The following CACNA1C variants were observed in gnomAD, a reference collection of about 807,000 sequenced individuals.
CACNA1C encodes the protein calcium voltage-gated channel subunit alpha1 C.
A neutral mutation model predicts 229.0 loss-of-function variants in CACNA1C; 30 were observed. The observed-to-expected ratio is 0.13, with a 90% CI of 0.10 to 0.18. CACNA1C has a LOEUF of 0.18. Ranked by LOEUF, CACNA1C falls within the 10% of genes least tolerant of loss-of-function variation. The pLI, the probability that CACNA1C is intolerant of heterozygous loss-of-function variation, is 1.00. For synonymous variants in CACNA1C, 1,114 were observed against 1,132.5 expected (o/e 0.98, Z 0.33); for missense variants, 1,658 against 2,845.0 (o/e 0.58, Z 9.49).
At chr12:2,635,442 A>G (rs2092408159) in intron 30 of CACNA1C, among the ~76,000 whole-genome samples, 1 of 152,092 alleles carries the variant, frequency 6.6e-6, no homozygotes. Context: ...TAGACTTTTG[A>G]TGCACTGAAC....
At chr12:2,379,385 G>A (rs758606739) in intron 3 of CACNA1C, among the ~76,000 whole-genome samples, 2 of 152,100 alleles carry the variant, frequency 1.3e-5, no homozygotes, top group African/African-American at 2.4e-5. Flanking sequence ...TCCCTTTATC[G>A]GTTTTCTCTT....
intron 10 of CACNA1C, among the ~76,000 whole-genome samples, chr12:2,551,941 A>C (rs1389096923): frequency 2.0e-5 from 3 of 152,204 alleles, no homozygotes; most frequent in African/African-American, 7.2e-5. Flanking sequence ...CCCGAAACTC[A>C]GCCCTGAACA....
intron 4 of CACNA1C, among the ~76,000 whole-genome samples, chr12:2,451,859 G>A (rs1042017387): frequency 3.3e-5 from 5 of 152,190 alleles, no homozygotes; most frequent in Admixed American, 6.5e-5. Context: ...TGCCCAGCTC[G>A]TGGTTGGTCT....
At chr12:2,583,270 T>G (rs529381213) in intron 15 of CACNA1C, among the ~76,000 whole-genome samples, 3 of 152,200 alleles carry the variant, frequency 2.0e-5, no homozygotes, top group African/African-American at 7.2e-5. Flanking sequence ...GCGGGCCGGC[T>G]GCCCTGGGGC....
chr12:2,519,940 G>A (rs2099806364), intron 9 of CACNA1C, among the ~76,000 whole-genome samples: 1 of 152,248 alleles, frequency 6.6e-6, no homozygotes, highest in South Asian at 2.1e-4. Flanking sequence ...GGGAGCAGTG[G>A]AAGAGCTATG....
At chr12:2,622,794 C>T (rs2084028146) in intron 29 of CACNA1C, among the ~76,000 whole-genome samples, 2 of 152,174 alleles carry the variant, frequency 1.3e-5, no homozygotes, top group Admixed American at 1.3e-4. Flanking sequence ...CACCACCCAC[C>T]ACCTCACCTG....
At chr12:2,232,966 A>G (rs973163591) in intron 3 of CACNA1C, among the ~76,000 whole-genome samples, 1 of 152,176 alleles carries the variant, frequency 6.6e-6, no homozygotes, top group Non-Finnish European at 1.5e-5. Context: ...CTTTGGGACC[A>G]CAAGATATTC....
chr12:2,267,707 C>T (rs1399389158), intron 3 of CACNA1C, among the ~76,000 whole-genome samples: 1 of 152,212 alleles, frequency 6.6e-6, no homozygotes, highest in Non-Finnish European at 1.5e-5. Context: ...GTAGGATGCT[C>T]AGCCTTGCCA....
chr12:2,675,487 T>A lies in CACNA1C; in HGVS notation c.4828+845T>A, dbSNP rs552016635. 4.6e-5 allele frequency among the ~76,000 whole-genome samples: 7 copies of A among 152,304 alleles called. No homozygotes were observed. The South Asian group carries it at 1.5e-3, about 32-fold the overall frequency. On this transcript the variant is annotated intron_variant, in intron 39 of 46. Transcript: ENST00000399655. ...CCCACACATAAACACACACACATAC[T>A]TACACATATGCAGAACAACCGTGAT...
chr12:2,575,517 G>GCCAAT lies in CACNA1C; in HGVS notation c.1896-6072_1896-6068dup, dbSNP rs1431148241. Among the ~76,000 whole-genome samples, 3 of 152,136 alleles carry GCCAAT rather than the reference G, an allele frequency of 2.0e-5. No individual in the cohort carries two copies. The highest frequency in any genetic ancestry group is 4.4e-5 in the Non-Finnish European group (3 of 68,030). On this transcript the variant is annotated intron_variant, in intron 13 of 46. Coordinates refer to ENST00000399655, the MANE Select transcript of CACNA1C (RefSeq NM_000719.7). This position sits in a 1 kb window ranked among gnomAD's most constrained non-coding sequence, Gnocchi z 4.0. ...CTACCTGCTTCCCCAGGTGGCCTCA[G>GCCAAT]CCAATTCTCACTCCTCTTCACTCCA...
In CACNA1C at chr12:2,262,971, G is replaced by A. The variant is rs577034172; in HGVS notation, c.477+142541G>A. Among the ~76,000 whole-genome samples, 337 of 152,274 alleles carry A rather than the reference G, an allele frequency of 2.2e-3. 3 individuals carry two copies. The highest frequency in any genetic ancestry group is 7.6e-3 in the African/African-American group (314 of 41,554). ...CTTTTGTGGGAAGAAGAAAATAAAG[G>A]AAAGGAGAACATAAAGGAAAAAATA... On this transcript the variant is annotated intron_variant, in intron 3 of 46. Transcript: ENST00000399655.
chr12:2,430,893 C>G (rs1447968959), intron 3 of CACNA1C, among the ~76,000 whole-genome samples: 1 of 152,086 alleles, frequency 6.6e-6, no homozygotes, highest in Non-Finnish European at 1.5e-5. Flanking sequence ...GCCTCCCACC[C>G]AGGAAACACA....
Position 2,679,416 on chromosome 12 carries a change from T to A in CACNA1C, c.5092-28T>A, listed in dbSNP as rs774554591. 6.8e-7 allele frequency: 1 copy of A among 1,465,960 alleles called. No homozygotes were observed. The highest frequency in any genetic ancestry group is 1.4e-5 in the South Asian group (1 of 73,724). The allele number at this position is 1,465,960 out of a possible 1,614,324, so 90.8% of individuals were successfully genotyped here. Reference sequence around the variant, plus strand: ...GGAGGAGTGGGTGCTAAGGGGCTTCTCCACCCACCCCTCCTTCTTGCCTAC... The same window carrying A: ...GGAGGAGTGGGTGCTAAGGGGCTTCACCACCCACCCCTCCTTCTTGCCTAC... On this transcript the variant is annotated intron_variant, in intron 41 of 46. Transcript: ENST00000399655. The surrounding 1 kb of genome is among the most constrained non-coding windows in gnomAD (Gnocchi z 5.5).
rs777816507 is a variant in CACNA1C at position 2,666,804 on chromosome 12, G to A, written c.4623+22G>A. 33 of 1,412,610 alleles carry A rather than the reference G, an allele frequency of 2.3e-5. No individual in the cohort carries two copies. In the South Asian group the frequency reaches 3.9e-4, roughly 17 times the overall value. The allele number at this position is 1,412,610 out of a possible 1,614,324, so 87.5% of individuals were successfully genotyped here. A position where few individuals can be genotyped will look rare whatever the true frequency, so the allele number is the denominator to read the frequency against. On this transcript the variant is annotated intron_variant, in intron 37 of 46. Coordinates refer to ENST00000399655, the MANE Select transcript of CACNA1C (RefSeq NM_000719.7). This position sits in a 1 kb window ranked among gnomAD's most constrained non-coding sequence, Gnocchi z 5.3. Reference sequence around the variant, plus strand: ...CAAAGTAAGAGATAACGGGGTTCATGGGAGGGAGAGGGAAAATAGGGGAAG... The same window carrying A: ...CAAAGTAAGAGATAACGGGGTTCATAGGAGGGAGAGGGAAAATAGGGGAAG...
rs945214966 is a variant in CACNA1C, at chr12:1,971,098, A to G, written c.36A>G (p.Ala12=). The G allele has an allele frequency of 3.9e-6, 5 of 1,288,994 alleles. No individual in the cohort carries two copies. The highest frequency in any genetic ancestry group is 5.1e-6 in the Non-Finnish European group (5 of 988,100). The allele number at this position is 1,288,994 out of a possible 1,614,324, so 79.8% of individuals were successfully genotyped here. ...CCTTTGTTCAGCCTGGTACGCCTGC[A>G]TACCAGCCGCTTCCCAGCCACCTGT... The change falls in exon 1 of 47, where the codon GCA becomes GCG. Residue 12 remains alanine (A), a synonymous_variant. Transcript: ENST00000682462. The surrounding 1 kb of genome is among the most constrained non-coding windows in gnomAD (Gnocchi z 4.2).
At chr12:2,003,734 C>A (rs1413808051) in intron 1 of CACNA1C, among the ~76,000 whole-genome samples, 1 of 152,160 alleles carries the variant, frequency 6.6e-6, no homozygotes, top group African/African-American at 2.4e-5. Flanking sequence ...TTAGACCCTG[C>A]CCCATTTTGT....
At chr12:2,013,597 C>A (rs2044804402) in intron 1 of CACNA1C, among the ~76,000 whole-genome samples, 2 of 152,162 alleles carry the variant, frequency 1.3e-5, no homozygotes, top group Non-Finnish European at 2.9e-5. Context: ...AACACAGATA[C>A]AGATCTCTGC....
intron 3 of CACNA1C, among the ~76,000 whole-genome samples, chr12:2,212,874 C>T (rs889476942): frequency 1.3e-5 from 2 of 152,192 alleles, no homozygotes; most frequent in African/African-American, 4.8e-5. Context: ...TGCATTTTCT[C>T]CTCTGACATC....
chr12:1,986,988 G>A (rs911726102), intron 1 of CACNA1C, among the ~76,000 whole-genome samples: 77 of 151,982 alleles, frequency 5.1e-4, no homozygotes, highest in Admixed American at 4.8e-3. Flanking sequence ...ATGAAAGCCT[G>A]AACTGGAATA....
Sources: allele counts gnomAD v4.1 joint callset (sites outside exome capture counted in the v4.1 genomes callset), GRCh38; gene constraint gnomAD v4.1.1; non-coding constraint Gnocchi (gnomAD v3.1); transcripts MANE v1.5; gene names NCBI Gene and HGNC (gene_info 2026-07-23, HGNC 2026-07-21).